Variants in LRP1B observed in about 807,000 individuals in gnomAD.
LRP1B encodes the protein LDL receptor related protein 1B, also known as low-density lipoprotein receptor-related protein 1B.
In LRP1B, 217 loss-of-function variants were observed where a neutral mutation model predicts 556.6. The ratio of observed to expected loss-of-function variants is 0.39; its 90% CI spans 0.35 to 0.44. The LOEUF is 0.44. Ranked by LOEUF, LRP1B falls within the 20% of genes least tolerant of loss-of-function variation. The pLI, the probability that LRP1B is intolerant of heterozygous loss-of-function variation, is 1.00. For missense variants in LRP1B, 5,053 were observed against 5,620.8 expected (o/e 0.90, Z 3.23); for synonymous variants, 2,047 against 1,865.8 (o/e 1.10, Z -2.50).
chr2:141,539,846 C>G lies in LRP1B; in HGVS notation c.206-59313G>C, dbSNP rs111867816. ...ATATCGTGTGTAACAAATCTTTTGA[C>G]CTTTTTCAAGCACTTAAAAATGTAA... On this transcript the variant is annotated intron_variant, in intron 2 of 90. Transcript: ENST00000389484. 8.9e-3 allele frequency among the ~76,000 whole-genome samples: 1,353 copies of G among 152,148 alleles called. 14 individuals carry two copies. The highest frequency in any genetic ancestry group is 0.031 in the African/African-American group (1,293 of 41,520).
intron 7 of LRP1B, among the ~76,000 whole-genome samples, chr2:141,155,116 T>A (rs948801251): frequency 6.6e-6 from 1 of 151,906 alleles, no homozygotes; most frequent in South Asian, 2.1e-4. Flanking sequence ...GGAAATAATA[T>A]AATCTGACCA....
intron 3 of LRP1B, among the ~76,000 whole-genome samples, chr2:141,409,335 A>G (rs1690762252): frequency 6.6e-6 from 1 of 152,124 alleles, no homozygotes; most frequent in African/African-American, 2.4e-5. Context: ...CTGTGTATCC[A>G]TGGGCATTTA....
intron 27 of LRP1B, among the ~76,000 whole-genome samples, chr2:140,859,072 G>A (rs1455561749): frequency 4.0e-5 from 6 of 151,866 alleles, no homozygotes; most frequent in East Asian, 3.9e-4. Context: ...TGCCTGCTTC[G>A]GCCTCCCAAA....
At chr2:141,499,955 T>C (rs915369194) in intron 2 of LRP1B, among the ~76,000 whole-genome samples, 2 of 152,026 alleles carry the variant, frequency 1.3e-5, no homozygotes, top group East Asian at 3.9e-4. Flanking sequence ...AAGATGCCAC[T>C]TTGACATAAG....
chr2:141,385,925 A>AT (rs533314525), intron 3 of LRP1B, among the ~76,000 whole-genome samples: 2 of 152,216 alleles, frequency 1.3e-5, no homozygotes, highest in African/African-American at 4.8e-5. Flanking sequence ...ATGGCATGTC[A>AT]TTTTTTTACT....
At chr2:141,986,349 C>G (rs1233613654) in intron 1 of LRP1B, among the ~76,000 whole-genome samples, 2 of 151,812 alleles carry the variant, frequency 1.3e-5, no homozygotes. Flanking sequence ...TAAGAAATAC[C>G]TATAACTCAT....
chr2:140,779,435 G>T (rs1020992027), intron 32 of LRP1B, among the ~76,000 whole-genome samples: 1 of 152,092 alleles, frequency 6.6e-6, no homozygotes, highest in Non-Finnish European at 1.5e-5. Context: ...GGTGGCTCAC[G>T]CCTGTAATCC....
At position 140,598,326 on chromosome 2, in the gene LRP1B, G is replaced by T. The variant is rs566535944; in HGVS notation, c.7194+305C>A. On this transcript the variant is annotated intron_variant, in intron 43 of 90. Coordinates refer to ENST00000389484, the MANE Select transcript of LRP1B (RefSeq NM_018557.3). ...TTTAAAAACTATACATAACAATGAA[G>T]CATATGCAAATCACTCTAACAATTC... 2.6e-5 allele frequency among the ~76,000 whole-genome samples: 4 copies of T among 152,240 alleles called. No individual in the cohort carries two copies. The South Asian group carries it at 8.3e-4, about 32-fold the overall frequency.
chr2:140,423,677 A>G (rs1685542421), intron 66 of LRP1B, among the ~76,000 whole-genome samples: 1 of 152,164 alleles, frequency 6.6e-6, no homozygotes, highest in East Asian at 1.9e-4. Context: ...TTTTAAAAAC[A>G]CTATTACAGT....
At chr2:141,396,981 C>G (rs958022933) in intron 3 of LRP1B, among the ~76,000 whole-genome samples, 5 of 151,392 alleles carry the variant, frequency 3.3e-5, no homozygotes, top group African/African-American at 1.2e-4. Context: ...GGTGTGGTGA[C>G]GCATGCCTGT....
At chr2:142,021,660 C>T (rs191244294) in intron 1 of LRP1B, among the ~76,000 whole-genome samples, 1 of 152,038 alleles carries the variant, frequency 6.6e-6, no homozygotes, top group Non-Finnish European at 1.5e-5. Flanking sequence ...CATAGAAAAC[C>T]TCTAGTGATA....
chr2:141,048,847 A>C (rs1261184798), intron 11 of LRP1B, 139 bp downstream of exon 11: 4 of 676,828 alleles, frequency 5.9e-6, no homozygotes, highest in Non-Finnish European at 1.0e-5. Context: ...GTTAATGAAG[A>C]AATAACATTA....
chr2:141,134,055 C>T (rs948249142), intron 7 of LRP1B, among the ~76,000 whole-genome samples: 2 of 151,802 alleles, frequency 1.3e-5, no homozygotes, highest in Admixed American at 6.6e-5. Context: ...TGACTAGTAC[C>T]ACCATGCACT....
At chr2:140,634,565 T>C (rs1302665475) in intron 41 of LRP1B, among the ~76,000 whole-genome samples, 2 of 151,864 alleles carry the variant, frequency 1.3e-5, no homozygotes, top group African/African-American at 2.4e-5. Context: ...AATTTTACAA[T>C]GGAGAAACCT....
At chr2:141,028,437 G>T (rs892030368) in intron 11 of LRP1B, among the ~76,000 whole-genome samples, 1 of 151,644 alleles carries the variant, frequency 6.6e-6, no homozygotes, top group African/African-American at 2.4e-5. Flanking sequence ...TGTTAAGACG[G>T]GTGTATTATG....
At chr2:141,778,370 C>A (rs1695142496) in intron 2 of LRP1B, among the ~76,000 whole-genome samples, 1 of 152,146 alleles carries the variant, frequency 6.6e-6, no homozygotes, top group Admixed American at 6.5e-5. Flanking sequence ...AGGCAAGCAG[C>A]AGATATGCTT....
chr2:142,082,548 T>C (rs1165257419), intron 1 of LRP1B, among the ~76,000 whole-genome samples: 3 of 152,206 alleles, frequency 2.0e-5, no homozygotes, highest in Admixed American at 6.5e-5. Flanking sequence ...AGGCCAGTGC[T>C]GCTGACTCGT....
chr2:141,181,021 CCAACTT>C (rs2105171757), intron 7 of LRP1B, among the ~76,000 whole-genome samples: 1 of 151,978 alleles, frequency 6.6e-6, no homozygotes, highest in East Asian at 1.9e-4. Flanking sequence ...TAGCCTGGCC[CCAACTT>C]CATGCTCATG....
At chr2:141,075,549 C>T (rs1699764747) in intron 7 of LRP1B, among the ~76,000 whole-genome samples, 1 of 152,114 alleles carries the variant, frequency 6.6e-6, no homozygotes, top group South Asian at 2.1e-4. Context: ...AAAGCTCATG[C>T]TCAATATACG....
Sources: allele counts gnomAD v4.1 joint callset (sites outside exome capture counted in the v4.1 genomes callset), GRCh38; gene constraint gnomAD v4.1.1; transcripts MANE v1.5; gene names NCBI Gene and HGNC (gene_info 2026-07-23, HGNC 2026-07-21).